Variants in USP14 observed in about 807,000 individuals in gnomAD.
USP14 encodes the protein ubiquitin specific peptidase 14.
In USP14, 38 loss-of-function variants were observed where a neutral mutation model predicts 76.5. The observed-to-expected ratio is 0.50, with a 90% CI of 0.38 to 0.65. The LOEUF (loss-of-function observed/expected upper bound fraction) is 0.65, where lower values mean the gene tolerates loss of function less well. Ranked by LOEUF, USP14 falls within the 30% of genes least tolerant of loss-of-function variation. The pLI is 0.00. For synonymous variants in USP14, 192 were observed against 191.7 expected (o/e 1.00, Z -0.01); for missense variants, 467 against 586.5 (o/e 0.80, Z 2.10).
At chr18:205,658 G>T (rs535116814) in intron 13 of USP14, among the ~76,000 whole-genome samples, 1 of 152,100 alleles carries the variant, frequency 6.6e-6, no homozygotes, top group South Asian at 2.1e-4. Flanking sequence ...GCATACACCG[G>T]TAGTTCTAGC....
At chr18:193,046 G>A (rs1910134167) in intron 6 of USP14, 146 bp downstream of exon 6, 1 of 483,800 alleles carries the variant, frequency 2.1e-6, no homozygotes, top group East Asian at 3.5e-5. Flanking sequence ...AAACAACTTG[G>A]TACTTATTTT....
At chr18:200,824 C>T (rs1346209137) in intron 10 of USP14, among the ~76,000 whole-genome samples, 2 of 152,060 alleles carry the variant, frequency 1.3e-5, no homozygotes, top group South Asian at 2.1e-4. Flanking sequence ...TATTTTGAGA[C>T]GGAGTCTCTC....
At position 197,639 on chromosome 18, in the gene USP14, A is replaced by G; in HGVS notation, c.618A>G (p.Gln206=). 1.2e-6 allele frequency: 2 copies of G among 1,612,428 alleles called. No homozygotes were observed. Among genetic ancestry groups the G allele is most frequent in the Middle Eastern group, 1.7e-4 (1 of 6,052 alleles). Residue 206 remains glutamine, a synonymous_variant, in exon 8 of 16, where the codon CAA becomes CAG. Coordinates refer to ENST00000261601, the MANE Select transcript of USP14 (RefSeq NM_005151.4). ...AGGATGCTAATGAATGTTGGATACA[A>G]ATGATGCGAGTATTGCAACAGAAAT... is the stretch of plus-strand genomic sequence containing the variant. ...LQQDANECWI[Q]MMRVLQQKLE...
chr18:164,742 C>A (rs1909221985), intron 2 of USP14, among the ~76,000 whole-genome samples: 1 of 152,130 alleles, frequency 6.6e-6, no homozygotes, highest in Non-Finnish European at 1.5e-5. Flanking sequence ...GCGTGAGCCA[C>A]TGCACCCAGC....
intron 1 of USP14, among the ~76,000 whole-genome samples, chr18:160,219 G>T (rs772916690): frequency 6.6e-6 from 1 of 152,164 alleles, no homozygotes; most frequent in African/African-American, 2.4e-5. Flanking sequence ...CAGGAGAATC[G>T]CTTGAACCTG....
chr18:189,954 CA>C (rs1481454393), intron 5 of USP14, among the ~76,000 whole-genome samples: 3 of 152,136 alleles, frequency 2.0e-5, no homozygotes, highest in African/African-American at 4.8e-5. Flanking sequence ...TTATGTTTCC[CA>C]AATTGGAAAT....
Position 163,437 on chromosome 18 carries a change from AAGG to A in USP14, c.151_153del (p.Gly51del). 2 of 1,613,454 alleles carry A rather than the reference AAGG, an allele frequency of 1.2e-6. No individual in the cohort carries two copies. The highest frequency in any genetic ancestry group is 1.7e-6 in the Non-Finnish European group (2 of 1,179,774). ...CCTGCCAGACAGAAAGTTATGGTGA[AAGG>A]AGGAACGCTAAAGGTAAAATGTAGT... On this transcript the variant is annotated inframe_deletion, in exon 2 of 16. Coordinates refer to ENST00000261601, the MANE Select transcript of USP14 (RefSeq NM_005151.4).
intron 5 of USP14, among the ~76,000 whole-genome samples, chr18:188,848 T>C (rs567979616): frequency 6.6e-6 from 1 of 152,218 alleles, no homozygotes; most frequent in Admixed American, 6.5e-5. Flanking sequence ...CAGCTAATTT[T>C]TTGTATTTTT....
chr18:175,490 A>G lies in USP14; in HGVS notation c.196-3443A>G, dbSNP rs1032616773. Among the ~76,000 whole-genome samples, 13 of 152,262 alleles carry G rather than the reference A, an allele frequency of 8.5e-5. No individual in the cohort carries two copies. The East Asian group carries it at 1.4e-3, about 16-fold the overall frequency. ...TGTCATTTTGTTAAATGCCTTTTCT[A>G]TATCATTTCTTCCTCTCATTTTATC... On this transcript the variant is annotated intron_variant, in intron 3 of 15. Coordinates refer to ENST00000261601, the MANE Select transcript of USP14 (RefSeq NM_005151.4).
In USP14 at chr18:207,334, T is replaced by G. The variant is rs188377009; in HGVS notation, c.1165-2637T>G. Among the ~76,000 whole-genome samples, 72 of 145,146 alleles carry G rather than the reference T, an allele frequency of 5.0e-4. 7 individuals are homozygous for G. Among genetic ancestry groups the G allele is most frequent in the Non-Finnish European group, 3.1e-5 (2 of 63,990 alleles). On this transcript the variant is annotated intron_variant, in intron 13 of 15. Coordinates refer to ENST00000261601, the MANE Select transcript of USP14 (RefSeq NM_005151.4). ...TTTCCATGTATATTTTAGGATCAGC[T>G]TGTCCATTTCTTCAAAAAAGATTGA...
intron 3 of USP14, 96 bp from the exon 4 acceptor site, chr18:178,837 T>C: frequency 1.2e-6 from 1 of 849,314 alleles, no homozygotes; most frequent in South Asian, 1.8e-5. Context: ...AATAGAATTA[T>C]GTTATATGTG....
intron 9 of USP14, among the ~76,000 whole-genome samples, 186 bp downstream of exon 9, chr18:198,318 A>C (rs548327681): frequency 6.6e-6 from 1 of 151,948 alleles, no homozygotes; most frequent in South Asian, 2.1e-4. Flanking sequence ...ACTCACTGCA[A>C]CCTCCACCTC....
intron 3 of USP14, among the ~76,000 whole-genome samples, chr18:171,021 AAAAAATATATAT>A (rs756613574): frequency 0.2 from 17,146 of 83,798 alleles, 1,342 homozygotes; most frequent in South Asian, 0.25. Flanking sequence ...AAAAAAAAAA[AAAAAATATATAT>A]ATATATATAT....
chr18:194,664 C>T (rs1910181868), intron 6 of USP14, among the ~76,000 whole-genome samples: 1 of 152,148 alleles, frequency 6.6e-6, no homozygotes, highest in Non-Finnish European at 1.5e-5. Context: ...GGTGCGGTGG[C>T]TCATGCTTGT....
intron 2 of USP14, among the ~76,000 whole-genome samples, chr18:164,609 A>G (rs935969507): frequency 6.6e-6 from 1 of 152,054 alleles, no homozygotes; most frequent in Non-Finnish European, 1.5e-5. Context: ...GTCTACCACC[A>G]TGCCCGGCTA....
chr18:197,819 T>A, intron 8 of USP14, 123 bp downstream of exon 8: 1 of 743,912 alleles, frequency 1.3e-6, no homozygotes, highest in Non-Finnish European at 2.1e-6. Flanking sequence ...TTAAATACTT[T>A]AGATGCTCAA....
chr18:171,025 A>AAATATATATATATATATAT (rs1327304974), intron 3 of USP14, among the ~76,000 whole-genome samples: 74 of 47,614 alleles, frequency 1.6e-3, no homozygotes, highest in Admixed American at 2.3e-3. Context: ...AAAAAAAAAA[A>AAATATATATATATATATAT]ATATATATAT....
intron 2 of USP14, among the ~76,000 whole-genome samples, chr18:165,668 G>A (rs897334181): frequency 5.0e-4 from 76 of 152,152 alleles, no homozygotes; most frequent in African/African-American, 1.8e-3. Flanking sequence ...ACATAGTAAG[G>A]CACCAAAAGA....
In USP14 at chr18:208,086, TTTTATTTTATTTTATTTTTA is replaced by T. The variant is rs200942846; in HGVS notation, c.1165-1876_1165-1857del. ...TACTTTCAGGAGTTTTATTTGTTTA[TTTTATTTTATTTTATTTTTA>T]TTTATTTTTTTTCTATTGCCTAAAC... On this transcript the variant is annotated intron_variant, in intron 13 of 15. Coordinates refer to ENST00000261601, the MANE Select transcript of USP14 (RefSeq NM_005151.4). 5.1e-4 allele frequency among the ~76,000 whole-genome samples: 78 copies of T among 151,962 alleles called. 1 individual carries two copies. In the East Asian group the frequency reaches 0.012, roughly 24 times the overall value.
Sources: allele counts gnomAD v4.1 joint callset (sites outside exome capture counted in the v4.1 genomes callset), GRCh38; gene constraint gnomAD v4.1.1; transcripts MANE v1.5; gene names NCBI Gene and HGNC (gene_info 2026-07-23, HGNC 2026-07-21).